DZIP3: variants seen among roughly 807,000 people sequenced by gnomAD.
The protein encoded by DZIP3 is E3 ubiquitin-protein ligase DZIP3.
In DZIP3, 118 loss-of-function variants were observed where a neutral mutation model predicts 162.0. The observed-to-expected ratio is 0.73, with a 90% CI of 0.63 to 0.85. The LOEUF (loss-of-function observed/expected upper bound fraction) is 0.85, where lower values mean the gene tolerates loss of function less well. DZIP3 is among the 40% of genes least tolerant of loss of function. The pLI, the probability that DZIP3 is intolerant of heterozygous loss-of-function variation, is 0.00. For synonymous variants in DZIP3, 438 were observed against 458.6 expected (o/e 0.96, Z 0.57); for missense variants, 1,331 against 1,407.0 (o/e 0.95, Z 0.86).
At chr3:108,688,189 A>G (rs1433451890) in intron 29 of DZIP3, 93 bp downstream of exon 29, 3 of 1,437,958 alleles carry the variant, frequency 2.1e-6, no homozygotes, top group Non-Finnish European at 2.8e-6. Flanking sequence ...TGTTCAGAAA[A>G]TCAGTAACTT....
chr3:108,674,131 T>C lies in DZIP3; in HGVS notation c.2643T>C (p.Thr881=), dbSNP rs1944017328. ...RDFGLLHLEQ[T]EKECLNQLAR... ...TTGGTTTGCTTCATCTAGAGCAGAC[T>C]GAAAAGGAATGTCTCAATCAGCTTG... Residue 881 remains threonine, a synonymous_variant, in exon 24 of 33, where the codon ACT becomes ACC. Coordinates refer to ENST00000361582, the MANE Select transcript of DZIP3 (RefSeq NM_014648.4). The C allele has an allele frequency of 1.2e-6, 2 of 1,612,406 alleles. No individual in the cohort carries two copies. The highest frequency in any genetic ancestry group is 1.7e-6 in the Non-Finnish European group (2 of 1,178,924).
At chr3:108,673,743 A>G (rs185189144) in intron 23 of DZIP3, among the ~76,000 whole-genome samples, 194 of 152,082 alleles carry the variant, frequency 1.3e-3, no homozygotes, top group African/African-American at 4.4e-3. Context: ...AAAAATGCCA[A>G]TGCCCAAGCT....
At chr3:108,610,046 T>C (rs2107502728) in intron 3 of DZIP3, among the ~76,000 whole-genome samples, 1 of 152,362 alleles carries the variant, frequency 6.6e-6, no homozygotes, top group East Asian at 1.9e-4. Flanking sequence ...TTTTAACTTT[T>C]TGAAAAATTT....
intron 1 of DZIP3, among the ~76,000 whole-genome samples, chr3:108,596,432 A>C (rs1037217850): frequency 3.9e-5 from 6 of 152,316 alleles, no homozygotes; most frequent in Non-Finnish European, 7.3e-5. Flanking sequence ...ATGGATAGAA[A>C]AGACTTTTTA....
At position 108,672,680 on chromosome 3, in the gene DZIP3, G is replaced by C. The variant is rs755194544; in HGVS notation, c.2589+24G>C. On this transcript the variant is annotated intron_variant, in intron 23 of 32. Coordinates refer to ENST00000361582, the MANE Select transcript of DZIP3 (RefSeq NM_014648.4). ...AGGTAACAACAAAACGGGGACAGGG[G>C]TATGGGGTGAGGGGAAAAGTTTTAC... 3.2e-6 allele frequency: 5 copies of C among 1,578,418 alleles called. No homozygotes were observed. The African/African-American group carries it at 6.8e-5, about 21-fold the overall frequency.
At chr3:108,625,739 ATTT>A in intron 6 of DZIP3, 103 bp from the exon 7 acceptor site, 1 of 1,161,208 alleles carries the variant, frequency 8.6e-7, no homozygotes, top group Non-Finnish European at 1.2e-6. Context: ...TGATTGTATT[ATTT>A]TTAAAGCTGC....
Position 108,625,939 on chromosome 3 carries a change from G to A in DZIP3, c.551G>A (p.Gly184Glu). 2 of 1,613,400 alleles carry A rather than the reference G, an allele frequency of 1.2e-6. No homozygotes were observed. The highest frequency in any genetic ancestry group is 1.7e-6 in the Non-Finnish European group (2 of 1,179,806). ...CENFMSLVYF[G>E]RGLLRCAQKR... ...AACTTTATGTCTTTAGTTTATTTTG[G>A]ACGTGGTTTACTGCGATGTGCTCAA... Residue 184 changes from glycine to glutamate, a missense_variant, in exon 7 of 33, where the codon GGA becomes GAA. This residue lies in a region of DZIP3 where 1,278 missense variants were observed against 1,317.1 expected (regional missense o/e 0.97). Coordinates refer to ENST00000361582, the MANE Select transcript of DZIP3 (RefSeq NM_014648.4).
At chr3:108,595,018 A>G (rs954266097) in intron 1 of DZIP3, among the ~76,000 whole-genome samples, 1 of 152,228 alleles carries the variant, frequency 6.6e-6, no homozygotes, top group African/African-American at 2.4e-5. Flanking sequence ...TTTATTCATC[A>G]AATGTTTATT....
intron 7 of DZIP3, among the ~76,000 whole-genome samples, chr3:108,627,240 C>CT (rs1239686899): frequency 4.6e-5 from 7 of 152,158 alleles, no homozygotes; most frequent in African/African-American, 1.7e-4. Flanking sequence ...CTGTTTTATT[C>CT]TCTTTACTGA....
chr3:108,618,829 G>A (rs1009519390), intron 5 of DZIP3, among the ~76,000 whole-genome samples: 7 of 151,922 alleles, frequency 4.6e-5, no homozygotes, highest in African/African-American at 9.7e-5. Context: ...TTGGGAGGCC[G>A]AGGCGGGCAG....
At chr3:108,662,910 A>C (rs1943505278) in intron 21 of DZIP3, among the ~76,000 whole-genome samples, 1 of 152,206 alleles carries the variant, frequency 6.6e-6, no homozygotes, top group Non-Finnish European at 1.5e-5. Context: ...GTAATACCAT[A>C]AGACACCAGC....
intron 19 of DZIP3, among the ~76,000 whole-genome samples, chr3:108,656,279 A>T (rs1341358042): frequency 6.6e-6 from 1 of 152,134 alleles, no homozygotes; most frequent in African/African-American, 2.4e-5. Context: ...ACGGCTGGGT[A>T]CCCCTCTGAG....
chr3:108,625,286 C>A (rs1941541215), intron 6 of DZIP3, among the ~76,000 whole-genome samples: 1 of 152,068 alleles, frequency 6.6e-6, no homozygotes, highest in South Asian at 2.1e-4. Context: ...GAGTTTATAT[C>A]TATGGGCAAC....
At chr3:108,594,829 G>T in intron 1 of DZIP3, among the ~76,000 whole-genome samples, 1 of 151,876 alleles carries the variant, frequency 6.6e-6, no homozygotes, top group East Asian at 1.9e-4. Flanking sequence ...TTTATTTTAT[G>T]CCATGTATTT....
chr3:108,606,939 A>G (rs1553700645), intron 2 of DZIP3, among the ~76,000 whole-genome samples: 1 of 152,194 alleles, frequency 6.6e-6, no homozygotes, highest in Non-Finnish European at 1.5e-5. Context: ...TGATCATGAA[A>G]TGGAGTTTGC....
chr3:108,629,605 T>G (rs1941735734), intron 8 of DZIP3, among the ~76,000 whole-genome samples: 1 of 152,090 alleles, frequency 6.6e-6, no homozygotes, highest in Non-Finnish European at 1.5e-5. Context: ...AGCATTTTTA[T>G]TTATATCTGT....
In DZIP3 at chr3:108,634,892, A is replaced by G; in HGVS notation, c.838A>G (p.Ser280Gly). 2.5e-6 allele frequency: 4 copies of G among 1,608,572 alleles called. No individual in the cohort carries two copies. Among genetic ancestry groups the G allele is most frequent in the Non-Finnish European group, 3.4e-6 (4 of 1,177,072 alleles). Residue 280 changes from serine (S) to glycine (G), a missense_variant, in exon 10 of 33, where the codon AGT (serine) becomes GGT (glycine). Ser to Gly is a moderately conservative substitution (Grantham distance 56). Around this residue, in one of 2 missense-constraint regions of DZIP3, gnomAD observed 1,278 missense variants for 1,317.1 expected, o/e 0.97. Coordinates refer to ENST00000361582, the MANE Select transcript of DZIP3 (RefSeq NM_014648.4). ...SYKGFFQLMC[S>G]KSCCVYFHKI... ...CCAGGGATTTTTTCAGTTAATGTGC[A>G]GTAAAAGTTGCTGTGTTTATTTCCA... is the stretch of plus-strand genomic sequence containing the variant.
At chr3:108,674,322 T>C (rs1944025385) in intron 24 of DZIP3, 141 bp downstream of exon 24, 3 of 632,922 alleles carry the variant, frequency 4.7e-6, no homozygotes, top group African/African-American at 1.8e-5. Context: ...TTTGGGTTTT[T>C]TTTCATTTTT....
chr3:108,620,585 C>A (rs1010392230), intron 5 of DZIP3, among the ~76,000 whole-genome samples: 1 of 152,188 alleles, frequency 6.6e-6, no homozygotes, highest in Non-Finnish European at 1.5e-5. Context: ...TCCACCACCA[C>A]AAAAATCTCT....
Sources: allele counts gnomAD v4.1 joint callset (sites outside exome capture counted in the v4.1 genomes callset), GRCh38; gene constraint gnomAD v4.1.1; regional missense constraint gnomAD v4.1.1; transcripts MANE v1.5; gene names NCBI Gene and HGNC (gene_info 2026-07-23, HGNC 2026-07-21).